The following ARID1B variants were observed in gnomAD, a reference collection of about 807,000 sequenced individuals.
ARID1B encodes AT-rich interactive domain-containing protein 1B.
In ARID1B, 30 loss-of-function variants were observed where a neutral mutation model predicts 212.3. The ratio of observed to expected loss-of-function variants is 0.14; its 90% CI spans 0.11 to 0.19. ARID1B has a LOEUF of 0.19. ARID1B is among the 10% of genes least tolerant of loss of function. ARID1B has a pLI of 1.00. For missense variants in ARID1B, 2,891 were observed against 3,204.0 expected, an observed-to-expected ratio of 0.90 and a Z score of 2.36; for synonymous variants, 1,402 against 1,301.7, an observed-to-expected ratio of 1.08 and a Z score of -1.66.
intron 2 of ARID1B, among the ~76,000 whole-genome samples, chr6:156,858,126 G>C (rs2128122590): frequency 6.6e-6 from 1 of 152,086 alleles, no homozygotes; most frequent in Non-Finnish European, 1.5e-5. Context: ...GTCAGGCACA[G>C]AGAGACAAAT....
chr6:156,913,322 T>C (rs1308244117), intron 3 of ARID1B, among the ~76,000 whole-genome samples: 1 of 150,594 alleles, frequency 6.6e-6, no homozygotes, highest in Non-Finnish European at 1.5e-5. Flanking sequence ...GTTCAAGCAA[T>C]TCTCCTGCCT....
intron 4 of ARID1B, among the ~76,000 whole-genome samples, chr6:157,011,850 C>A (rs147935050): frequency 6.6e-6 from 1 of 152,022 alleles, no homozygotes. Context: ...AATAAGGAAC[C>A]GACAGATTCA....
chr6:156,954,863 A>C (rs1793846773), intron 4 of ARID1B, among the ~76,000 whole-genome samples: 3 of 152,116 alleles, frequency 2.0e-5, no homozygotes, highest in Admixed American at 2.0e-4. Flanking sequence ...CCTATTCTTA[A>C]TTCCTTAATG....
At chr6:156,985,637 A>C (rs1285977221) in intron 4 of ARID1B, 1 of 152,200 alleles carries the variant, frequency 6.6e-6, no homozygotes, top group Non-Finnish European at 1.5e-5. Flanking sequence ...TTTGCTTTTT[A>C]TAAACAACTA....
At chr6:156,812,985 T>C (rs202075154) in intron 1 of ARID1B, among the ~76,000 whole-genome samples, 19 of 106,396 alleles carry the variant, frequency 1.8e-4, no homozygotes, top group South Asian at 3.3e-4. Flanking sequence ...TGTATGTATA[T>C]ACATACGTAT....
Position 157,143,798 on chromosome 6 carries a change from A to T in ARID1B, c.2762-4826A>T, listed in dbSNP as rs150729854. Among the ~76,000 whole-genome samples the T allele has an allele frequency of 1.9e-4, 29 of 152,374 alleles. No individual in the cohort carries two copies. In the East Asian group the frequency reaches 5.4e-3, roughly 28 times the overall value. Reference sequence around the variant, plus strand: ...CGTGAGTCTAATGAGGAAAGTTTCAAAGAAAAGAAAAGGGGACTTTGTATT... The same window carrying T: ...CGTGAGTCTAATGAGGAAAGTTTCATAGAAAAGAAAAGGGGACTTTGTATT... On this transcript the variant is annotated intron_variant, in intron 7 of 19. Transcript: ENST00000636930.
intron 8 of ARID1B, among the ~76,000 whole-genome samples, chr6:157,154,270 C>G (rs1172764251): frequency 2.0e-5 from 3 of 152,170 alleles, no homozygotes; most frequent in Non-Finnish European, 4.4e-5. Context: ...AGGCCTGCTA[C>G]CCTAGCACCT....
chr6:157,190,244 C>T lies in ARID1B; in HGVS notation c.4231+34C>T. 1.3e-6 allele frequency: 2 copies of T among 1,580,220 alleles called. No individual in the cohort carries two copies. Among genetic ancestry groups the T allele is most frequent in the Non-Finnish European group, 8.6e-7 (1 of 1,167,640 alleles). Reference sequence around the variant, plus strand: ...AGAGGGGCCTCCACCCGGCCATGGACCAGTGGGCATTCTACTCTCTGCCGT... The same window carrying T: ...AGAGGGGCCTCCACCCGGCCATGGATCAGTGGGCATTCTACTCTCTGCCGT... On this transcript the variant is annotated intron_variant, in intron 15 of 19. Transcript: ENST00000636930. The surrounding 1 kb of genome is among the most constrained non-coding windows in gnomAD (Gnocchi z 4.6).
intron 1 of ARID1B, chr6:156,779,820 G>A (rs994459233): frequency 1.3e-5 from 2 of 154,494 alleles, no homozygotes; most frequent in African/African-American, 2.4e-5. Flanking sequence ...GGACCGTTCG[G>A]GTGCTTTTGT....
intron 2 of ARID1B, among the ~76,000 whole-genome samples, chr6:156,881,943 C>T (rs1265243001): frequency 6.6e-6 from 1 of 152,176 alleles, no homozygotes; most frequent in East Asian, 1.9e-4. Context: ...TGGGTAGTAA[C>T]ATACATACTT....
intron 1 of ARID1B, among the ~76,000 whole-genome samples, chr6:156,795,754 C>G (rs1583055617): frequency 6.6e-6 from 1 of 152,140 alleles, no homozygotes; most frequent in Non-Finnish European, 1.5e-5. Flanking sequence ...CCTCTGCGCC[C>G]TTCCTTCTCT....
chr6:156,977,886 G>A (rs1184547804), intron 4 of ARID1B, among the ~76,000 whole-genome samples: 4 of 152,134 alleles, frequency 2.6e-5, no homozygotes, highest in Non-Finnish European at 5.9e-5. Context: ...TTGGGAGGTG[G>A]GACAGGGTAA....
intron 4 of ARID1B, among the ~76,000 whole-genome samples, chr6:156,994,814 C>T (rs1389275097): frequency 6.6e-6 from 1 of 152,200 alleles, no homozygotes; most frequent in Non-Finnish European, 1.5e-5. Context: ...CTCTGTGTCC[C>T]GGTGTGCCCT....
At chr6:157,117,615 G>T (rs552695407) in intron 6 of ARID1B, among the ~76,000 whole-genome samples, 49 of 152,322 alleles carry the variant, frequency 3.2e-4, no homozygotes, top group African/African-American at 1.1e-3. Context: ...CATGTCGGCA[G>T]CAGGCTGGGG....
chr6:157,021,655 G>A (rs989830817), intron 4 of ARID1B, among the ~76,000 whole-genome samples: 1 of 152,266 alleles, frequency 6.6e-6, no homozygotes, highest in Middle Eastern at 3.4e-3. Context: ...GGGACCCCGC[G>A]GAAGGAGGCG....
At chr6:156,972,243 A>G (rs1305245411) in intron 4 of ARID1B, among the ~76,000 whole-genome samples, 1 of 152,196 alleles carries the variant, frequency 6.6e-6, no homozygotes, top group Admixed American at 6.5e-5. Context: ...AGTCGTTCTC[A>G]AACAGTGTCA....
intron 4 of ARID1B, among the ~76,000 whole-genome samples, chr6:157,059,092 T>C (rs1240932199): frequency 1.3e-5 from 2 of 151,952 alleles, no homozygotes; most frequent in East Asian, 1.9e-4. Flanking sequence ...TAAAAATATA[T>C]TCATTTATCG....
At chr6:157,063,974 G>A (rs536080233) in intron 4 of ARID1B, among the ~76,000 whole-genome samples, 58 of 152,334 alleles carry the variant, frequency 3.8e-4, no homozygotes, top group Admixed American at 2.8e-3. Flanking sequence ...GCTGACCTCT[G>A]TAGGGAGAGG....
chr6:157,095,857 A>AG (rs1288593351), intron 5 of ARID1B, among the ~76,000 whole-genome samples: 1 of 151,404 alleles, frequency 6.6e-6, no homozygotes, highest in African/African-American at 2.4e-5. Context: ...AAAGGCAAAA[A>AG]AAAGTATCAC....
Sources: allele counts gnomAD v4.1 joint callset (sites outside exome capture counted in the v4.1 genomes callset), GRCh38; gene constraint gnomAD v4.1.1; non-coding constraint Gnocchi (gnomAD v3.1); transcripts MANE v1.5; gene names NCBI Gene and HGNC (gene_info 2026-07-23, HGNC 2026-07-21).